SAMHD1: variants seen among roughly 807,000 people sequenced by gnomAD.
The protein encoded by SAMHD1 is SAM and HD domain containing deoxynucleoside triphosphate triphosphohydrolase 1, also known as deoxynucleoside triphosphate triphosphohydrolase SAMHD1.
SAMHD1 carries 54 observed loss-of-function variants against 79.6 expected under a neutral mutation model. That is an observed-to-expected ratio of 0.68 (90% confidence interval 0.55 to 0.85). SAMHD1 has a LOEUF of 0.85. Ranked by LOEUF, SAMHD1 falls within the 40% of genes least tolerant of loss-of-function variation. The probability of loss-of-function intolerance (pLI) is 0.00; values close to 1 mark genes in which losing one functional copy is unlikely to be tolerated. For missense variants in SAMHD1, 663 were observed against 782.7 expected (o/e 0.85, Z 1.82); for synonymous variants, 260 against 264.1 (o/e 0.98, Z 0.15).
At chr20:36,938,173 T>G (rs991638493) in intron 3 of SAMHD1, among the ~76,000 whole-genome samples, 38 of 151,838 alleles carry the variant, frequency 2.5e-4, no homozygotes, top group Admixed American at 1.8e-3. Flanking sequence ...CAGCCAACAA[T>G]GTTCTTTTTA....
chr20:36,935,164 T>G lies in SAMHD1; in HGVS notation c.374A>C (p.His125Pro). Residue 125 changes from histidine (H) to proline (P), a missense_variant, in exon 4 of 16, where the codon CAC becomes CCC. By Grantham distance (77) the His-to-Pro change is moderately conservative. Transcript: ENST00000646673. ...MKVINDPIHG[H>P]IELHPLLVRI... ...GACGAGGAGAGGGTGGAGCTCAATG[T>G]GGCCATGGATAGGATCATTAATTAC... 1 of 1,613,704 alleles carries G rather than the reference T, an allele frequency of 6.2e-7. No individual in the cohort carries two copies. Among genetic ancestry groups the G allele is most frequent in the Non-Finnish European group, 8.5e-7 (1 of 1,179,572 alleles).
At chr20:36,900,547 AGT>A (rs1990284727) in intron 13 of SAMHD1, among the ~76,000 whole-genome samples, 1 of 150,226 alleles carries the variant, frequency 6.7e-6, no homozygotes. Flanking sequence ...GGGCCGGCCT[AGT>A]TAACAGTAAT....
intron 15 of SAMHD1, among the ~76,000 whole-genome samples, chr20:36,896,985 C>T (rs1990210935): frequency 6.6e-6 from 1 of 152,218 alleles, no homozygotes; most frequent in Admixed American, 6.5e-5. Flanking sequence ...CTCCCTGCTA[C>T]TCATCCAAAC....
At chr20:36,921,239 A>G (rs1304244675) in intron 6 of SAMHD1, among the ~76,000 whole-genome samples, 1 of 151,884 alleles carries the variant, frequency 6.6e-6, no homozygotes, top group Non-Finnish European at 1.5e-5. Flanking sequence ...CTAAAAATAT[A>G]AAAATTAGCT....
At chr20:36,937,517 C>A (rs980086548) in intron 3 of SAMHD1, among the ~76,000 whole-genome samples, 8 of 152,198 alleles carry the variant, frequency 5.3e-5, no homozygotes, top group Admixed American at 1.3e-4. Flanking sequence ...AGAGCTCTTA[C>A]AACTCAAATC....
chr20:36,928,330 A>G (rs1049557642), intron 5 of SAMHD1, among the ~76,000 whole-genome samples: 6 of 151,968 alleles, frequency 3.9e-5, no homozygotes, highest in Non-Finnish European at 8.8e-5. Context: ...CGGAGCTTGC[A>G]GTGAGCCAAG....
intron 11 of SAMHD1, among the ~76,000 whole-genome samples, chr20:36,907,802 C>T (rs2063413948): frequency 6.6e-6 from 1 of 151,922 alleles, no homozygotes; most frequent in Admixed American, 6.6e-5. Flanking sequence ...GCATCACTTG[C>T]ATTATTATGA....
intron 2 of SAMHD1, among the ~76,000 whole-genome samples, chr20:36,944,077 C>CAAA (rs542947370): frequency 0.29 from 25,571 of 89,074 alleles, 4,080 homozygotes; most frequent in East Asian, 0.48. Flanking sequence ...GACTCCATCT[C>CAAA]AAAAAAAAAA....
chr20:36,898,384 A>G (rs1990236884), intron 14 of SAMHD1, 56 bp downstream of exon 14: 8 of 1,322,434 alleles, frequency 6.0e-6, no homozygotes, highest in Non-Finnish European at 4.4e-6. Flanking sequence ...ATGCTAATTT[A>G]CTATAAAGAT....
chr20:36,919,353 C>T lies in SAMHD1; in HGVS notation c.852+11G>A. The stretch of plus-strand genomic sequence containing the variant: ...ACCAGTCAGTTAAAATTAAGCTGTA[C>T]ATAAACTTACCAATGAATCTTCGAC... On this transcript the variant is annotated intron_variant, in intron 7 of 15. Coordinates refer to ENST00000646673, the MANE Select transcript of SAMHD1 (RefSeq NM_015474.4). 6.2e-7 allele frequency: 1 copy of T among 1,612,808 alleles called. No homozygotes were observed. Among genetic ancestry groups the T allele is most frequent in the South Asian group, 1.1e-5 (1 of 91,052 alleles).
chr20:36,909,392 G>A (rs1469337762), intron 11 of SAMHD1, among the ~76,000 whole-genome samples: 3 of 152,010 alleles, frequency 2.0e-5, no homozygotes, highest in Non-Finnish European at 4.4e-5. Flanking sequence ...GCTGTGGCTG[G>A]GCGCGGTGGC....
Position 36,920,542 on chromosome 20 carries a change from G to A in SAMHD1, c.697-1023C>T, listed in dbSNP as rs534180967. 2.6e-5 allele frequency among the ~76,000 whole-genome samples: 4 copies of A among 152,068 alleles called. No homozygotes were observed. In the East Asian group the frequency reaches 5.8e-4, roughly 22 times the overall value. ...AGCGTTTTGGGAGGCCGAGGTGGGC[G>A]GATCACTTGAGGTCAACAGTACAAG... On this transcript the variant is annotated intron_variant, in intron 6 of 15. Transcript: ENST00000646673.
At chr20:36,912,087 T>C in intron 10 of SAMHD1, 1 of 244,518 alleles carries the variant, frequency 4.1e-6, no homozygotes, top group South Asian at 5.7e-5. Flanking sequence ...TTAACTTTTG[T>C]CATTAATCTC....
At chr20:36,916,427 T>G in intron 9 of SAMHD1, 2 of 336,426 alleles carry the variant, frequency 5.9e-6, no homozygotes, top group Non-Finnish European at 1.1e-5. Flanking sequence ...AGCTCAGGAG[T>G]TCAAGACTAG....
rs765549520 is a variant in SAMHD1, at chr20:36,912,570, G to GT, written c.1063-19dup. On this transcript the variant is annotated intron_variant, in intron 9 of 15. Transcript: ENST00000646673. Reference sequence around the variant, plus strand: ...CCAACTTCCTGCAGGAAAACATGAAGTAAATATTAATAGGATCAGATTATG... The same window carrying GT: ...CCAACTTCCTGCAGGAAAACATGAAGTTAAATATTAATAGGATCAGATTATG... 6.6e-7 allele frequency: 1 copy of GT among 1,522,130 alleles called. No homozygotes were observed. The highest frequency in any genetic ancestry group is 1.1e-5 in the South Asian group (1 of 89,114). 94.3% of individuals were successfully genotyped at this position (1,522,130 alleles called of 1,614,324 possible). A position where few individuals can be genotyped will look rare whatever the true frequency, so the allele number is the denominator to read the frequency against.
chr20:36,904,300 T>G, intron 12 of SAMHD1, 51 bp from the exon 13 acceptor site: 2 of 1,273,812 alleles, frequency 1.6e-6, no homozygotes, highest in East Asian at 4.6e-5. Context: ...ATCAAGTCTT[T>G]GAGCCACAAA....
At chr20:36,898,188 T>C (rs1323643363) in intron 14 of SAMHD1, among the ~76,000 whole-genome samples, 1 of 152,072 alleles carries the variant, frequency 6.6e-6, no homozygotes, top group Non-Finnish European at 1.5e-5. Context: ...TGAGCTACCA[T>C]GCCTAAGTTT....
At chr20:36,894,061 C>T in intron 15 of SAMHD1, 1 of 396,896 alleles carries the variant, frequency 2.5e-6, no homozygotes, top group Non-Finnish European at 4.4e-6. Context: ...CTCCCACCTG[C>T]TCCCTTGGTC....
At chr20:36,916,674 C>T (rs2063477769) in intron 9 of SAMHD1, 48 bp downstream of exon 9, 2 of 1,325,318 alleles carry the variant, frequency 1.5e-6, no homozygotes, top group East Asian at 2.3e-5. Context: ...TTCCAAATTT[C>T]AGACCAGGAA....
Sources: gnomAD v4.1 joint callset for allele counts (sites outside exome capture counted in the v4.1 genomes callset) on GRCh38, gnomAD v4.1.1 for gene constraint, MANE v1.5 for transcripts, NCBI Gene and HGNC (gene_info 2026-07-23, HGNC 2026-07-21) for gene names.